Variants in DPYSL3 observed in about 807,000 individuals in gnomAD.
DPYSL3 encodes dihydropyrimidinase-related protein 3.
Under a neutral mutation model 66.1 loss-of-function variants are expected in DPYSL3, and 16 were observed. That is an observed-to-expected ratio of 0.24 (90% CI 0.16 to 0.37). DPYSL3 has a LOEUF of 0.37. DPYSL3 is among the 10% of genes least tolerant of loss of function. The probability of loss-of-function intolerance (pLI) is 1.00; values close to 1 mark genes in which losing one functional copy is unlikely to be tolerated. For synonymous variants in DPYSL3, 338 were observed against 345.1 expected, an observed-to-expected ratio of 0.98 and a Z score of 0.23; for missense variants, 738 against 916.2, an observed-to-expected ratio of 0.81 and a Z score of 2.51.
At chr5:147,503,298 T>A (rs1753641070) in intron 1 of DPYSL3, among the ~76,000 whole-genome samples, 1 of 152,188 alleles carries the variant, frequency 6.6e-6, no homozygotes. Context: ...TTATTTACAT[T>A]TTATGATGAT....
At chr5:147,451,433 G>A (rs927036049) in intron 1 of DPYSL3, among the ~76,000 whole-genome samples, 1 of 152,242 alleles carries the variant, frequency 6.6e-6, no homozygotes, top group African/African-American at 2.4e-5. Context: ...TTCAACCAGA[G>A]ACAAAAGGGA....
At chr5:147,453,448 G>C in intron 1 of DPYSL3, 1 of 1,420,268 alleles carries the variant, frequency 7.0e-7, no homozygotes, top group Non-Finnish European at 9.2e-7. Flanking sequence ...CCTCCCCGGG[G>C]ACCAGGCCAG....
chr5:147,402,652 C>CT (rs200234840), intron 8 of DPYSL3, among the ~76,000 whole-genome samples: 48 of 140,572 alleles, frequency 3.4e-4, no homozygotes, highest in South Asian at 1.5e-3. Flanking sequence ...CGGCCTATGA[C>CT]TTTTTTTTTT....
Position 147,509,519 on chromosome 5 carries a change from T to C in DPYSL3, c.340A>G (p.Thr114Ala), listed in dbSNP as rs563351932. The change falls in exon 1 of 14, where the codon ACC (threonine) becomes GCC (alanine). Residue 114 changes from threonine to alanine, a missense_variant. Transcript: ENST00000343218. This position sits in a 1 kb window ranked among gnomAD's most constrained non-coding sequence, Gnocchi z 5.3. ...AGGTTCTGCAACACCTCTTTGCCGGTGGCGCTCCGGATCTCTACCCCGGCG... is the reference window on the plus strand; with the variant it reads ...AGGTTCTGCAACACCTCTTTGCCGGCGGCGCTCCGGATCTCTACCCCGGCG... ...APAGVEIRSATGKEVLQNLGP... is the reference protein window; with the variant it reads ...APAGVEIRSAAGKEVLQNLGP... The C allele has an allele frequency of 1.3e-6, 2 of 1,533,640 alleles. No homozygotes were observed. Among genetic ancestry groups the C allele is most frequent in the East Asian group, 4.9e-5 (2 of 40,870 alleles).
Position 147,453,582 on chromosome 5 carries a change from G to T in DPYSL3, c.382-28619C>A, listed in dbSNP as rs759520414. The T allele has an allele frequency of 7.1e-6, 11 of 1,539,070 alleles. No homozygotes were observed. The Admixed American group carries it at 2.0e-4, about 28-fold the overall frequency. On this transcript the variant is annotated intron_variant, in intron 1 of 13. Coordinates refer to ENST00000343218, the MANE Select transcript of DPYSL3 (RefSeq NM_001197294.2). ...GCGGGATGTTCTTCTTGCCTTGGTA[G>T]GACATGGTGGCGGTGGTGGCTGCAG...
chr5:147,416,479 G>C (rs1751971516), intron 3 of DPYSL3, among the ~76,000 whole-genome samples: 1 of 152,104 alleles, frequency 6.6e-6, no homozygotes, highest in Admixed American at 6.5e-5. Context: ...GTTTCTTTGA[G>C]GCCCAAATCT....
At chr5:147,422,407 T>C (rs1752099239) in intron 2 of DPYSL3, among the ~76,000 whole-genome samples, 1 of 152,088 alleles carries the variant, frequency 6.6e-6, no homozygotes, top group Admixed American at 6.6e-5. Flanking sequence ...TTGGTGGGAG[T>C]GTAAACTAGT....
intron 1 of DPYSL3, among the ~76,000 whole-genome samples, chr5:147,468,783 G>A (rs928008005): frequency 3.3e-4 from 50 of 151,970 alleles, no homozygotes; most frequent in African/African-American, 1.1e-3. Flanking sequence ...GTGCAGGTTT[G>A]TTACATATGT....
chr5:147,410,620 T>C (rs1751833690), intron 6 of DPYSL3, among the ~76,000 whole-genome samples: 2 of 152,200 alleles, frequency 1.3e-5, no homozygotes, highest in African/African-American at 4.8e-5. Flanking sequence ...GTATAGTAGA[T>C]GCTCAACAAA....
intron 1 of DPYSL3, among the ~76,000 whole-genome samples, chr5:147,498,647 G>A (rs982145388): frequency 6.6e-6 from 1 of 152,064 alleles, no homozygotes; most frequent in Non-Finnish European, 1.5e-5. Flanking sequence ...GGTGTGAGAT[G>A]GTATCTCATT....
At chr5:147,443,770 G>T (rs1020160738) in intron 1 of DPYSL3, among the ~76,000 whole-genome samples, 5 of 152,204 alleles carry the variant, frequency 3.3e-5, no homozygotes, top group African/African-American at 1.2e-4. Context: ...TTAAATTCAC[G>T]TTAGGAAGAA....
intron 1 of DPYSL3, among the ~76,000 whole-genome samples, chr5:147,479,586 C>T (rs913167073): frequency 6.6e-6 from 1 of 152,178 alleles, no homozygotes; most frequent in African/African-American, 2.4e-5. Flanking sequence ...AACCACAGAG[C>T]CAATCTAAGA....
intron 8 of DPYSL3, among the ~76,000 whole-genome samples, chr5:147,405,212 C>T (rs1396495681): frequency 2.0e-5 from 3 of 152,154 alleles, no homozygotes; most frequent in Non-Finnish European, 2.9e-5. Context: ...CACCTACAAT[C>T]GGTTATTCAC....
intron 1 of DPYSL3, among the ~76,000 whole-genome samples, chr5:147,452,529 T>C (rs1752751683): frequency 6.6e-6 from 1 of 151,642 alleles, no homozygotes; most frequent in Non-Finnish European, 1.5e-5. Context: ...CTAAAAAACG[T>C]TAGTTTTTAT....
chr5:147,480,888 C>T (rs1753229300), intron 1 of DPYSL3, among the ~76,000 whole-genome samples: 1 of 151,746 alleles, frequency 6.6e-6, no homozygotes, highest in Admixed American at 6.6e-5. Flanking sequence ...ACGCCCGGCT[C>T]ATTTTGTATT....
chr5:147,459,339 G>C (rs756068404), intron 1 of DPYSL3, among the ~76,000 whole-genome samples: 31 of 152,092 alleles, frequency 2.0e-4, no homozygotes, highest in Non-Finnish European at 3.8e-4. Flanking sequence ...TTTTGAAGGG[G>C]AAAATGTATA....
intron 12 of DPYSL3, among the ~76,000 whole-genome samples, chr5:147,397,339 C>G (rs1022620073): frequency 8.8e-4 from 132 of 150,420 alleles, no homozygotes; most frequent in African/African-American, 3.2e-3. Context: ...ATTCTCGGTT[C>G]TCACCTTCAG....
intron 1 of DPYSL3, among the ~76,000 whole-genome samples, chr5:147,491,772 A>C (rs77170295): frequency 0.011 from 1,737 of 152,260 alleles, 65 homozygotes; most frequent in East Asian, 0.086. Context: ...GACCAAAAAA[A>C]GACCAAAACA....
intron 1 of DPYSL3, among the ~76,000 whole-genome samples, chr5:147,491,390 A>C (rs1304386184): frequency 6.6e-6 from 1 of 152,206 alleles, no homozygotes; most frequent in Non-Finnish European, 1.5e-5. Flanking sequence ...CTCAACAAAA[A>C]ATTGCAAGGT....
Sources: gnomAD v4.1 joint callset for allele counts (sites outside exome capture counted in the v4.1 genomes callset) on GRCh38, gnomAD v4.1.1 for gene constraint, Gnocchi (gnomAD v3.1) non-coding constraint, MANE v1.5 for transcripts, NCBI Gene and HGNC (gene_info 2026-07-23, HGNC 2026-07-21) for gene names.